DLGAP1: variants seen among roughly 807,000 people sequenced by gnomAD.
The protein encoded by DLGAP1 is DLG associated protein 1, also known as disks large-associated protein 1.
DLGAP1 carries 11 observed loss-of-function variants against 90.8 expected under a neutral mutation model. That is an observed-to-expected ratio of 0.12 (90% confidence interval 0.08 to 0.20). DLGAP1 has a LOEUF of 0.20. DLGAP1 is among the 10% of genes least tolerant of loss of function. DLGAP1 has a pLI of 1.00. For synonymous variants in DLGAP1, 558 were observed against 540.7 expected (o/e 1.03, Z -0.44); for missense variants, 1,050 against 1,333.8 (o/e 0.79, Z 3.31).
At chr18:4,261,651 T>C (rs544425261) in intron 1 of DLGAP1, among the ~76,000 whole-genome samples, 1 of 152,162 alleles carries the variant, frequency 6.6e-6, no homozygotes, top group South Asian at 2.1e-4. Flanking sequence ...TTTTAGCATA[T>C]AGTGAATTAA....
chr18:3,880,960 A>G (rs1374252160), intron 3 of DLGAP1, among the ~76,000 whole-genome samples: 11 of 150,792 alleles, frequency 7.3e-5, no homozygotes, highest in Admixed American at 3.3e-4. Context: ...AAAAAAAAAA[A>G]AAAAAAAGAA....
chr18:4,253,360 TTGAACATAGTAAACACAACAG>T (rs2078822699), intron 1 of DLGAP1, among the ~76,000 whole-genome samples: 2 of 152,176 alleles, frequency 1.3e-5, no homozygotes, highest in Admixed American at 1.3e-4. Context: ...TCTGAAATAT[TTGAACATAGTAAACACAACAG>T]AGATATTTCT....
At chr18:3,826,202 T>C (rs1350951030) in intron 4 of DLGAP1, among the ~76,000 whole-genome samples, 1 of 152,154 alleles carries the variant, frequency 6.6e-6, no homozygotes, top group Non-Finnish European at 1.5e-5. Context: ...ATGAGTTCAA[T>C]AGAAGCCCAA....
intron 4 of DLGAP1, among the ~76,000 whole-genome samples, chr18:3,870,318 G>T (rs1227261824): frequency 6.6e-6 from 1 of 152,090 alleles, no homozygotes; most frequent in African/African-American, 2.4e-5. Flanking sequence ...TTCTCTACAG[G>T]CATACATGTG....
intron 5 of DLGAP1, among the ~76,000 whole-genome samples, chr18:3,746,713 G>A (rs72860480): frequency 0.087 from 13,213 of 152,030 alleles, 790 homozygotes; most frequent in South Asian, 0.15. Flanking sequence ...ATATCACCAA[G>A]CATATGACAA....
chr18:4,106,068 T>C (rs1219835306), intron 2 of DLGAP1, among the ~76,000 whole-genome samples: 2 of 149,280 alleles, frequency 1.3e-5, no homozygotes, highest in East Asian at 3.9e-4. Context: ...AAGTTGCAAT[T>C]AAACTAAAAA....
intron 3 of DLGAP1, among the ~76,000 whole-genome samples, chr18:3,998,101 T>C (rs1302944186): frequency 1.3e-5 from 2 of 152,226 alleles, no homozygotes; most frequent in Non-Finnish European, 2.9e-5. Context: ...TACCATTGTC[T>C]ACACCCAATA....
intron 5 of DLGAP1, among the ~76,000 whole-genome samples, chr18:3,812,118 T>C (rs2066874636): frequency 6.6e-6 from 1 of 152,184 alleles, no homozygotes; most frequent in East Asian, 1.9e-4. Flanking sequence ...TCTTGCCCAT[T>C]GCAATCCTTT....
intron 1 of DLGAP1, among the ~76,000 whole-genome samples, chr18:4,331,660 G>GTA (rs1568518710): frequency 1.3e-5 from 2 of 151,142 alleles, no homozygotes; most frequent in Non-Finnish European, 2.9e-5. Context: ...GATGACTGGC[G>GTA]CCCTGCTTCC....
intron 5 of DLGAP1, among the ~76,000 whole-genome samples, chr18:3,794,514 C>A (rs2065889229): frequency 6.6e-6 from 1 of 152,208 alleles, no homozygotes; most frequent in African/African-American, 2.4e-5. Context: ...AGAACCCACC[C>A]AGGATGCTGT....
Position 4,123,309 on chromosome 18 carries a change from G to A in DLGAP1, c.-159+27871C>T, listed in dbSNP as rs75648108. Among the ~76,000 whole-genome samples, 1,237 of 152,198 alleles carry A rather than the reference G, an allele frequency of 8.1e-3. 15 individuals are homozygous for A. The highest frequency in any genetic ancestry group is 0.034 in the Middle Eastern group (10 of 294). On this transcript the variant is annotated intron_variant, in intron 2 of 12. Coordinates refer to ENST00000315677, the MANE Select transcript of DLGAP1 (RefSeq NM_004746.4). ...AGGAGAAAGGGGGATCAGTTTGACTGCTAAGTTAAATGTAGGCCGAGGAAA... is the reference window on the plus strand; with the variant it reads ...AGGAGAAAGGGGGATCAGTTTGACTACTAAGTTAAATGTAGGCCGAGGAAA...
chr18:3,810,195 G>A (rs770225066), intron 5 of DLGAP1, among the ~76,000 whole-genome samples: 16 of 152,174 alleles, frequency 1.1e-4, no homozygotes, highest in South Asian at 2.1e-4. Context: ...GGGTTTTGCT[G>A]GCCCAAAGAT....
At chr18:4,016,859 A>G (rs1267441977) in intron 2 of DLGAP1, among the ~76,000 whole-genome samples, 1 of 152,164 alleles carries the variant, frequency 6.6e-6, no homozygotes, top group Non-Finnish European at 1.5e-5. Context: ...TCTCAGTCTC[A>G]GTTTTCTCAT....
intron 1 of DLGAP1, among the ~76,000 whole-genome samples, chr18:4,426,796 A>G (rs1360619153): frequency 6.6e-6 from 1 of 152,240 alleles, no homozygotes; most frequent in Non-Finnish European, 1.5e-5. Flanking sequence ...TATCTCAATT[A>G]GACCTGAAAT....
At chr18:3,970,343 G>T (rs1426126512) in intron 3 of DLGAP1, among the ~76,000 whole-genome samples, 2 of 152,102 alleles carry the variant, frequency 1.3e-5, no homozygotes, top group Admixed American at 6.5e-5. Context: ...CAAAGGAAAA[G>T]AAAATAAAAC....
chr18:4,233,318 G>A (rs502784), intron 1 of DLGAP1, among the ~76,000 whole-genome samples: 8,269 of 152,158 alleles, frequency 0.054, 743 homozygotes, highest in African/African-American at 0.19. Flanking sequence ...CAATTCCTTA[G>A]TATTTCCTTG....
At chr18:4,362,748 A>G (rs532014757) in intron 1 of DLGAP1, among the ~76,000 whole-genome samples, 1 of 152,296 alleles carries the variant, frequency 6.6e-6, no homozygotes. Flanking sequence ...TGTTACGTAC[A>G]TTTTACCATA....
chr18:4,367,559 G>T (rs1269604775), intron 1 of DLGAP1, among the ~76,000 whole-genome samples: 2 of 152,070 alleles, frequency 1.3e-5, no homozygotes, highest in Admixed American at 6.6e-5. Context: ...AGGAATAGAG[G>T]GCACATTCAG....
At chr18:4,310,700 T>C (rs2080377952) in intron 1 of DLGAP1, among the ~76,000 whole-genome samples, 1 of 152,218 alleles carries the variant, frequency 6.6e-6, no homozygotes, top group African/African-American at 2.4e-5. Flanking sequence ...CATATAACGA[T>C]GCACTCAGTA....
Sources: gnomAD v4.1 joint callset for allele counts (sites outside exome capture counted in the v4.1 genomes callset) on GRCh38, gnomAD v4.1.1 for gene constraint, MANE v1.5 for transcripts, NCBI Gene and HGNC (gene_info 2026-07-23, HGNC 2026-07-21) for gene names.